PXDC1: variants seen among roughly 807,000 people sequenced by gnomAD.
The protein encoded by PXDC1 is PX domain-containing protein 1.
In PXDC1, 13 loss-of-function variants were observed where a neutral mutation model predicts 24.4. The observed-to-expected ratio is 0.53, with a 90% CI of 0.35 to 0.85. The LOEUF is 0.85. Among genes scored for constraint, PXDC1 ranks in the 40% least tolerant of loss-of-function variants. The pLI is 0.01. For missense variants in PXDC1, 344 were observed against 309.3 expected (o/e 1.11, Z -0.84); for synonymous variants, 162 against 124.9 (o/e 1.30, Z -1.98).
rs1201947616 is a variant in PXDC1 at position 3,751,629 on chromosome 6, C to A, written c.-98G>T. ...GGGGTCGTCCCGGGTCTGTCCGTGG[C>A]CGGGGTCGTCCGGGGTCGGCCCGTC... On this transcript the variant is annotated 5_prime_UTR_variant, in exon 1 of 5. Coordinates refer to ENST00000380283, the MANE Select transcript of PXDC1 (RefSeq NM_183373.4). 7.4e-7 allele frequency: 1 copy of A among 1,343,444 alleles called. No individual in the cohort carries two copies. Among genetic ancestry groups the A allele is most frequent in the African/African-American group, 1.6e-5 (1 of 64,336 alleles). The allele number at this position is 1,343,444 out of a possible 1,614,324, so 83.2% of individuals were successfully genotyped here.
Position 3,751,597 on chromosome 6 carries a change from C to T in PXDC1, c.-66G>A, listed in dbSNP as rs1312044819. ...GCCCGCCCGCCCGCAGGAGGCGCGCCCCGGCCGGGGTCGTCCCGGGTCTGT... is the reference window on the plus strand; with the variant it reads ...GCCCGCCCGCCCGCAGGAGGCGCGCTCCGGCCGGGGTCGTCCCGGGTCTGT... On this transcript the variant is annotated 5_prime_UTR_variant, in exon 1 of 5. Coordinates refer to ENST00000380283, the MANE Select transcript of PXDC1 (RefSeq NM_183373.4). The T allele has an allele frequency of 7.0e-6, 10 of 1,430,842 alleles. No individual in the cohort carries two copies. In the East Asian group the frequency reaches 2.2e-4, roughly 32 times the overall value. The allele number at this position is 1,430,842 out of a possible 1,614,324, so 88.6% of individuals were successfully genotyped here.
intron 1 of PXDC1, among the ~76,000 whole-genome samples, chr6:3,749,169 G>A (rs1269870272): frequency 1.3e-5 from 2 of 151,850 alleles, no homozygotes; most frequent in African/African-American, 2.4e-5. Flanking sequence ...TTATGGTCCC[G>A]GTTCTGGTCC....
intron 3 of PXDC1, among the ~76,000 whole-genome samples, chr6:3,733,293 G>T (rs2127599143): frequency 6.6e-6 from 1 of 152,304 alleles, no homozygotes; most frequent in Non-Finnish European, 1.5e-5. Context: ...CACAGATCCA[G>T]AAACATGCCA....
chr6:3,747,129 A>ACC, intron 1 of PXDC1, among the ~76,000 whole-genome samples: 1 of 150,956 alleles, frequency 6.6e-6, no homozygotes, highest in African/African-American at 2.4e-5. Flanking sequence ...CTCCTGAGCC[A>ACC]CCCCCTCCCC....
rs1320374007 is a variant in PXDC1 at position 3,724,302 on chromosome 6, T to C, written c.579-566A>G. Among the ~76,000 whole-genome samples, 1 of 151,852 alleles carries C rather than the reference T, an allele frequency of 6.6e-6. No homozygotes were observed. The highest frequency in any genetic ancestry group is 2.4e-5 in the African/African-American group (1 of 41,326). ...CGTGTTTCATTCGCGCTCTGGCAGA[T>C]GAGAAGCATCCGAACATGGGGGACT... On this transcript the variant is annotated intron_variant, in intron 4 of 4. Transcript: ENST00000380283. This position sits in a 1 kb window ranked among gnomAD's most constrained non-coding sequence, Gnocchi z 4.5.
chr6:3,724,354 G>T lies in PXDC1; in HGVS notation c.579-618C>A, dbSNP rs2127597385. ...ACATGGGGTGTGGAGAACTAGGGAA[G>T]AATACAAACCCCAAACATAAGGGGA... On this transcript the variant is annotated intron_variant, in intron 4 of 4. Coordinates refer to ENST00000380283, the MANE Select transcript of PXDC1 (RefSeq NM_183373.4). This position sits in a 1 kb window ranked among gnomAD's most constrained non-coding sequence, Gnocchi z 4.5. Among the ~76,000 whole-genome samples the T allele has an allele frequency of 6.6e-6, 1 of 152,100 alleles. No individual in the cohort carries two copies. The highest frequency in any genetic ancestry group is 1.9e-4 in the East Asian group (1 of 5,190).
At chr6:3,726,819 G>C (rs557075886) in intron 4 of PXDC1, among the ~76,000 whole-genome samples, 72 of 152,386 alleles carry the variant, frequency 4.7e-4, no homozygotes, top group African/African-American at 1.7e-3. Flanking sequence ...CAAGCGGGAT[G>C]TTTTACACTC....
At chr6:3,733,635 C>CA (rs1760251402) in intron 3 of PXDC1, among the ~76,000 whole-genome samples, 1 of 152,134 alleles carries the variant, frequency 6.6e-6, no homozygotes, top group Non-Finnish European at 1.5e-5. Flanking sequence ...CTCGGCTCTG[C>CA]AAGGCTGCAA....
At chr6:3,739,165 T>C in intron 1 of PXDC1, 1 of 1,105,032 alleles carries the variant, frequency 9.0e-7, no homozygotes, top group South Asian at 2.3e-5. Flanking sequence ...AATAGGTCTA[T>C]AAGAGAGATA....
rs572115026 is a variant in PXDC1 at position 3,724,337 on chromosome 6, T to G, written c.579-601A>C. Among the ~76,000 whole-genome samples, 7 of 151,798 alleles carry G rather than the reference T, an allele frequency of 4.6e-5. No homozygotes were observed. Among genetic ancestry groups the G allele is most frequent in the African/African-American group, 1.5e-4 (6 of 41,356 alleles). ...CCGAACATGGGGGACTTACATGGGG[T>G]GTGGAGAACTAGGGAAGAATACAAA... is the stretch of plus-strand genomic sequence containing the variant. On this transcript the variant is annotated intron_variant, in intron 4 of 4. Coordinates refer to ENST00000380283, the MANE Select transcript of PXDC1 (RefSeq NM_183373.4). This position sits in a 1 kb window ranked among gnomAD's most constrained non-coding sequence, Gnocchi z 4.5.
chr6:3,725,494 C>T lies in PXDC1; in HGVS notation c.579-1758G>A, dbSNP rs1208391085. 6.6e-6 allele frequency among the ~76,000 whole-genome samples: 1 copy of T among 152,234 alleles called. No individual in the cohort carries two copies. Among genetic ancestry groups the T allele is most frequent in the African/African-American group, 2.4e-5 (1 of 41,462 alleles). ...CTGAGTGCAGGTGGGTCTCTGGGCCCTGGCACTGGTGCCCACTTGCCCCTG... is the reference window on the plus strand; with the variant it reads ...CTGAGTGCAGGTGGGTCTCTGGGCCTTGGCACTGGTGCCCACTTGCCCCTG... On this transcript the variant is annotated intron_variant, in intron 4 of 4. Transcript: ENST00000380283. This position sits in a 1 kb window ranked among gnomAD's most constrained non-coding sequence, Gnocchi z 4.8.
intron 4 of PXDC1, 91 bp from the exon 5 acceptor site, chr6:3,723,827 C>T: frequency 1.0e-6 from 1 of 979,590 alleles, no homozygotes; most frequent in Non-Finnish European, 1.6e-6. Flanking sequence ...CTTTCAATGC[C>T]CGCTAGTAAG....
At chr6:3,734,808 G>A (rs1760279557) in intron 3 of PXDC1, among the ~76,000 whole-genome samples, 1 of 152,168 alleles carries the variant, frequency 6.6e-6, no homozygotes, top group Non-Finnish European at 1.5e-5. Context: ...TCCTAGGCCG[G>A]GCGCAGTGGC....
intron 1 of PXDC1, among the ~76,000 whole-genome samples, chr6:3,741,667 TG>T (rs1418793833): frequency 2.6e-5 from 4 of 152,182 alleles, no homozygotes; most frequent in Non-Finnish European, 4.4e-5. Flanking sequence ...GCAGCACAAC[TG>T]GGCTGCTGTT....
rs575838387 is a variant in PXDC1, at chr6:3,729,093, C to T, written c.467-1431G>A. Among the ~76,000 whole-genome samples the T allele has an allele frequency of 8.3e-4, 126 of 152,306 alleles. 2 individuals are homozygous for T. In the South Asian group the frequency reaches 0.026, roughly 32 times the overall value. Reference sequence around the variant, plus strand: ...CCTGGCACACCACACCCAACAGGAACATCGCTCACTGCCCCATCGGATGCC... The same window carrying T: ...CCTGGCACACCACACCCAACAGGAATATCGCTCACTGCCCCATCGGATGCC... On this transcript the variant is annotated intron_variant, in intron 3 of 4. Coordinates refer to ENST00000380283, the MANE Select transcript of PXDC1 (RefSeq NM_183373.4).
intron 3 of PXDC1, among the ~76,000 whole-genome samples, chr6:3,736,878 C>G (rs560514061): frequency 6.6e-6 from 1 of 152,200 alleles, no homozygotes; most frequent in South Asian, 2.1e-4. Context: ...CCCCTGAGGA[C>G]GCAGCAGGAG....
intron 1 of PXDC1, chr6:3,739,214 G>A (rs1292616053): frequency 2.1e-6 from 2 of 966,028 alleles, no homozygotes; most frequent in Non-Finnish European, 2.6e-6. Flanking sequence ...AAATTAAGAG[G>A]TCCCAGAGCA....
intron 1 of PXDC1, among the ~76,000 whole-genome samples, chr6:3,741,466 T>C (rs973745509): frequency 1.2e-4 from 19 of 152,158 alleles, no homozygotes; most frequent in Non-Finnish European, 2.4e-4. Flanking sequence ...ATTATTGAAT[T>C]CCCCATTCCG....
intron 3 of PXDC1, among the ~76,000 whole-genome samples, chr6:3,730,515 T>TAA (rs201115871): frequency 6.2e-5 from 9 of 144,140 alleles, no homozygotes; most frequent in Admixed American, 6.2e-4. Context: ...GTCCACAGTT[T>TAA]AAAAAAAAAA....
Sources: gnomAD v4.1 joint callset for allele counts (sites outside exome capture counted in the v4.1 genomes callset) on GRCh38, gnomAD v4.1.1 for gene constraint, Gnocchi (gnomAD v3.1) non-coding constraint, MANE v1.5 for transcripts, NCBI Gene and HGNC (gene_info 2026-07-23, HGNC 2026-07-21) for gene names.